The following FAM228B variants were observed in gnomAD, a reference collection of about 807,000 sequenced individuals.
The protein encoded by FAM228B is family with sequence similarity 228 member B.
In FAM228B, 38 loss-of-function variants were observed where a neutral mutation model predicts 42.6. The observed-to-expected ratio is 0.89, with a 90% CI of 0.69 to 1.17. The LOEUF is 1.17. Ranked by LOEUF, FAM228B falls within the 50% of genes most tolerant of loss-of-function variation. FAM228B has a pLI of 0.00. For missense variants in FAM228B, 344 were observed against 367.3 expected (o/e 0.94, Z 0.52); for synonymous variants, 109 against 122.3 (o/e 0.89, Z 0.72).
intron 2 of FAM228B, among the ~76,000 whole-genome samples, chr2:24,127,096 T>C (rs141654998): frequency 4.6e-5 from 7 of 152,262 alleles, no homozygotes; most frequent in African/African-American, 1.7e-4. Flanking sequence ...CTTTTAGCAG[T>C]CACCCCCCAT....
intron 9 of FAM228B, among the ~76,000 whole-genome samples, chr2:24,166,228 G>A (rs1376138377): frequency 4.6e-5 from 7 of 151,716 alleles, no homozygotes; most frequent in South Asian, 2.1e-4. Context: ...TCTCCCTCCA[G>A]TTCTCTTGTC....
At chr2:24,099,347 T>C (rs1345033033) in intron 3 of FAM228B, among the ~76,000 whole-genome samples, 1 of 152,224 alleles carries the variant, frequency 6.6e-6, no homozygotes, top group Non-Finnish European at 1.5e-5. Flanking sequence ...TGTTTGCAGA[T>C]GACATGATTG....
intron 2 of FAM228B, among the ~76,000 whole-genome samples, chr2:24,128,088 G>A (rs886707423): frequency 3.3e-5 from 5 of 152,042 alleles, no homozygotes; most frequent in African/African-American, 9.7e-5. Flanking sequence ...TTTTTCCCCC[G>A]TGCATTTCAT....
intron 1 of FAM228B, among the ~76,000 whole-genome samples, chr2:24,078,469 C>T (rs1003810846): frequency 7.6e-6 from 1 of 132,450 alleles, no homozygotes; most frequent in Non-Finnish European, 1.6e-5. Context: ...CAGAGTAAGA[C>T]CCTGTCTCCA....
intron 7 of FAM228B, among the ~76,000 whole-genome samples, chr2:24,157,927 C>T (rs1573783475): frequency 6.6e-6 from 1 of 152,184 alleles, no homozygotes; most frequent in Non-Finnish European, 1.5e-5. Context: ...TCTGACTCCA[C>T]AGCCTACATT....
chr2:24,167,024 G>A (rs1667433623), intron 9 of FAM228B, among the ~76,000 whole-genome samples: 1 of 152,162 alleles, frequency 6.6e-6, no homozygotes, highest in African/African-American at 2.4e-5. Context: ...GGGAAAGGGA[G>A]TTAGAATAAA....
chr2:24,083,214 T>C, intron 2 of FAM228B: 1 of 1,484,294 alleles, frequency 6.7e-7, no homozygotes, highest in Non-Finnish European at 9.0e-7. Context: ...TCACTACCCC[T>C]GGCCCCCCTT....
intron 2 of FAM228B, among the ~76,000 whole-genome samples, chr2:24,134,767 A>G (rs1333818156): frequency 1.3e-5 from 2 of 152,208 alleles, no homozygotes; most frequent in East Asian, 1.9e-4. Context: ...CGAGGCCAAC[A>G]TGGCAAAACC....
Position 24,084,161 on chromosome 2 carries a change from C to T in FAM228B, c.-210+3206C>T, listed in dbSNP as rs772661501. ...GAGAGGGAGGCTCTGGAGTCCCGCC[C>T]GCCCCGGCGCGGCTGAGCCCTGGGT... On this transcript the variant is annotated intron_variant, in intron 2 of 10. Transcript: ENST00000613899. This position sits in a 1 kb window ranked among gnomAD's most constrained non-coding sequence, Gnocchi z 8.4. 2.5e-6 allele frequency: 4 copies of T among 1,592,884 alleles called. No homozygotes were observed. Among genetic ancestry groups the T allele is most frequent in the East Asian group, 4.5e-5 (2 of 44,668 alleles).
At chr2:24,093,421 G>A (rs922448738) in intron 2 of FAM228B, among the ~76,000 whole-genome samples, 1 of 151,808 alleles carries the variant, frequency 6.6e-6, no homozygotes, top group Non-Finnish European at 1.5e-5. Flanking sequence ...CTCTTCCTGT[G>A]TTAGTTTGCT....
At chr2:24,161,254 T>C (rs1418391929) in intron 7 of FAM228B, among the ~76,000 whole-genome samples, 1 of 152,150 alleles carries the variant, frequency 6.6e-6, no homozygotes, top group Non-Finnish European at 1.5e-5. Flanking sequence ...GAGACCAGCC[T>C]GGGCAACATG....
At chr2:24,098,912 C>T (rs143047188) in intron 3 of FAM228B, among the ~76,000 whole-genome samples, 1,851 of 152,260 alleles carry the variant, frequency 0.012, 33 homozygotes, top group Non-Finnish European at 0.016. Flanking sequence ...AATCCAGCAG[C>T]ACATCAAAAA....
intron 2 of FAM228B, among the ~76,000 whole-genome samples, chr2:24,128,035 A>C (rs568477992): frequency 6.6e-6 from 1 of 152,238 alleles, no homozygotes; most frequent in South Asian, 2.1e-4. Flanking sequence ...AACCTGCTTG[A>C]AATTGTCCTG....
intron 2 of FAM228B, among the ~76,000 whole-genome samples, chr2:24,088,165 A>C (rs1033099145): frequency 6.6e-6 from 1 of 152,078 alleles, no homozygotes; most frequent in Non-Finnish European, 1.5e-5. Flanking sequence ...GGTGTGAGCC[A>C]CTGCGCCTGG....
At chr2:24,085,433 G>C (rs1444001497) in intron 2 of FAM228B, among the ~76,000 whole-genome samples, 1 of 152,024 alleles carries the variant, frequency 6.6e-6, no homozygotes, top group African/African-American at 2.4e-5. Flanking sequence ...CCTGTGCATC[G>C]TAGGATGTTT....
chr2:24,134,973 G>T, intron 2 of FAM228B, 146 bp from the exon 3 acceptor site: 1 of 592,158 alleles, frequency 1.7e-6, no homozygotes, highest in Non-Finnish European at 3.0e-6. Flanking sequence ...ACAAAAAAAA[G>T]CACTCGATGA....
chr2:24,150,212 T>C (rs1434237376), intron 7 of FAM228B, among the ~76,000 whole-genome samples: 5 of 152,188 alleles, frequency 3.3e-5, no homozygotes, highest in Non-Finnish European at 7.3e-5. Context: ...CTTGAGATGA[T>C]TTCTTCTTGC....
chr2:24,077,829 A>C lies in FAM228B; in HGVS notation c.-290+860A>C. Reference sequence around the variant, plus strand: ...TCACCCTGCCCTCCTCATCCTCCTCAGCCTTCTTGCTCTCTCTGAAGCCAC... The same window carrying C: ...TCACCCTGCCCTCCTCATCCTCCTCCGCCTTCTTGCTCTCTCTGAAGCCAC... On this transcript the variant is annotated intron_variant, in intron 1 of 10. Coordinates refer to the FAM228B transcript ENST00000613899. This position sits in a 1 kb window ranked among gnomAD's most constrained non-coding sequence, Gnocchi z 5.5. The C allele has an allele frequency of 1.3e-6, 2 of 1,535,610 alleles. No individual in the cohort carries two copies. The highest frequency in any genetic ancestry group is 1.8e-6 in the Non-Finnish European group (2 of 1,134,874).
In FAM228B at chr2:24,077,757, T is replaced by A. The variant is rs757449274; in HGVS notation, c.-290+788T>A. On this transcript the variant is annotated intron_variant, in intron 1 of 10. Coordinates refer to the FAM228B transcript ENST00000613899. This position sits in a 1 kb window ranked among gnomAD's most constrained non-coding sequence, Gnocchi z 5.5. ...CGTGAAAGCATTCACCAGCATTTGC[T>A]TGTACTAAGACAAGGGAAAGGAGAT... is the stretch of plus-strand genomic sequence containing the variant. 13 of 1,613,088 alleles carry A rather than the reference T, an allele frequency of 8.1e-6. No homozygotes were observed. The Middle Eastern group carries it at 4.9e-4, about 61-fold the overall frequency.
Sources: allele counts gnomAD v4.1 joint callset (sites outside exome capture counted in the v4.1 genomes callset), GRCh38; gene constraint gnomAD v4.1.1; non-coding constraint Gnocchi (gnomAD v3.1); transcripts MANE v1.5; gene names NCBI Gene and HGNC (gene_info 2026-07-23, HGNC 2026-07-21).